RIPOR3: variants seen among roughly 807,000 people sequenced by gnomAD.
RIPOR3 encodes the protein family with sequence similarity 65 member C.
A neutral mutation model predicts 114.3 loss-of-function variants in RIPOR3; 95 were observed. The observed-to-expected ratio is 0.83, with a 90% CI of 0.70 to 0.99. RIPOR3 has a LOEUF of 0.99. RIPOR3 is among the 50% of genes least tolerant of loss of function. The pLI, the probability that RIPOR3 is intolerant of heterozygous loss-of-function variation, is 0.00. For missense variants in RIPOR3, 1,252 were observed against 1,266.9 expected (o/e 0.99, Z 0.18); for synonymous variants, 575 against 543.8 (o/e 1.06, Z -0.80).
At chr20:50,619,440 C>CAAAA in intron 3 of RIPOR3, among the ~76,000 whole-genome samples, 1 of 96,416 alleles carries the variant, frequency 1.0e-5, no homozygotes, top group Admixed American at 1.2e-4. Context: ...GACTCCATCT[C>CAAAA]AAAAAAAAAA....
intron 1 of RIPOR3, among the ~76,000 whole-genome samples, chr20:50,671,414 GTGCA>G (rs1455963538): frequency 1.2e-5 from 1 of 85,766 alleles, no homozygotes; most frequent in Non-Finnish European, 2.3e-5. Context: ...GCACGCGCGC[GTGCA>G]CGCGCGCGCG....
chr20:50,602,070 A>G lies in RIPOR3; in HGVS notation c.1659+2T>C, dbSNP rs1184946169. ...CCACCGCCCGGGGCGGGGTGGCCAT[A>G]CCTTCAGCCGGTCCCGGAAGCCGAG... is the stretch of plus-strand genomic sequence containing the variant. On this transcript the variant is annotated splice_donor_variant, in intron 13 of 21. Coordinates refer to ENST00000327979, the MANE Select transcript of RIPOR3 (RefSeq NM_001290268.2). LOFTEE classifies it high-confidence loss of function. The surrounding 1 kb of genome is among the most constrained non-coding windows in gnomAD (Gnocchi z 4.3). 1 of 1,538,958 alleles carries G rather than the reference A, an allele frequency of 6.5e-7. No individual in the cohort carries two copies. The highest frequency in any genetic ancestry group is 8.7e-7 in the Non-Finnish European group (1 of 1,144,504).
In RIPOR3 at chr20:50,608,671, G is replaced by C. The variant is rs750084880; in HGVS notation, c.752C>G (p.Thr251Ser). The C allele has an allele frequency of 1.2e-6, 2 of 1,614,022 alleles. No individual in the cohort carries two copies. The highest frequency in any genetic ancestry group is 2.2e-5 in the South Asian group (2 of 91,086). Residue 251 changes from threonine to serine, a missense_variant, in exon 10 of 22, where the codon ACC becomes AGC. Thr to Ser is a moderately conservative substitution (Grantham distance 58). Transcript: ENST00000327979. The stretch of plus-strand genomic sequence containing the variant: ...GAAGGCCTTCTCCTCTTCGTCCCAG[G>C]TCTGGCTGTCATCTGACTCGATCCG... The part of the protein sequence containing the change: ...KGRIESDDSQ[T>S]WDEEEKAFIP...
chr20:50,647,179 G>T (rs1399808342), intron 1 of RIPOR3, among the ~76,000 whole-genome samples: 2 of 152,152 alleles, frequency 1.3e-5, no homozygotes, highest in African/African-American at 4.8e-5. Flanking sequence ...AATTAGCCAG[G>T]CGTGGTGGCG....
chr20:50,616,294 A>C lies in RIPOR3; in HGVS notation c.270-214T>G, dbSNP rs886546994. Among the ~76,000 whole-genome samples the C allele has an allele frequency of 3.3e-5, 5 of 152,282 alleles. No individual in the cohort carries two copies. The East Asian group carries it at 9.6e-4, about 29-fold the overall frequency. On this transcript the variant is annotated intron_variant, in intron 3 of 21. Transcript: ENST00000327979. ...GAAGTTCCTAGTTAATTCCCCCACCAGGCCCACAAGTAGCTTCTACTGTTA... is the reference window on the plus strand; with the variant it reads ...GAAGTTCCTAGTTAATTCCCCCACCCGGCCCACAAGTAGCTTCTACTGTTA...
At chr20:50,641,588 G>A (rs1600661353) in intron 1 of RIPOR3, among the ~76,000 whole-genome samples, 3 of 152,132 alleles carry the variant, frequency 2.0e-5, no homozygotes, top group Admixed American at 6.5e-5. Flanking sequence ...AAGATGCTCG[G>A]TGCCCAGGGA....
chr20:50,598,906 G>GAA (rs368515447), intron 13 of RIPOR3, among the ~76,000 whole-genome samples: 1,709 of 119,528 alleles, frequency 0.014, 24 homozygotes, highest in Admixed American at 0.029. Flanking sequence ...CTCCATCTCA[G>GAA]AAAAAAAAAA....
chr20:50,589,289 T>C (rs1251128377), intron 20 of RIPOR3, among the ~76,000 whole-genome samples: 1 of 151,670 alleles, frequency 6.6e-6, no homozygotes, highest in Non-Finnish European at 1.5e-5. Flanking sequence ...CTTTCTTTTC[T>C]ATCTCTGTAT....
At chr20:50,603,319 ACC>A (rs2083573975) in intron 12 of RIPOR3, among the ~76,000 whole-genome samples, 2 of 151,960 alleles carry the variant, frequency 1.3e-5, no homozygotes, top group South Asian at 4.2e-4. Context: ...GCTCACTACA[ACC>A]TTCATCTCCT....
At chr20:50,670,484 T>C (rs1461736412) in intron 1 of RIPOR3, among the ~76,000 whole-genome samples, 2 of 151,262 alleles carry the variant, frequency 1.3e-5, no homozygotes, top group African/African-American at 4.9e-5. Flanking sequence ...TTAAATCTAG[T>C]TCTTTTTCCT....
At chr20:50,663,102 A>G (rs895425357) in intron 1 of RIPOR3, among the ~76,000 whole-genome samples, 1 of 151,810 alleles carries the variant, frequency 6.6e-6, no homozygotes, top group Non-Finnish European at 1.5e-5. Flanking sequence ...CTCAAAAAAA[A>G]AAAAAAAAAA....
chr20:50,614,275 A>T (rs2084082473), intron 4 of RIPOR3, among the ~76,000 whole-genome samples: 1 of 152,112 alleles, frequency 6.6e-6, no homozygotes, highest in Non-Finnish European at 1.5e-5. Context: ...ATCTCGAGTG[A>T]TCCACCCGCC....
chr20:50,616,878 G>C (rs543646403), intron 3 of RIPOR3, among the ~76,000 whole-genome samples: 109 of 152,268 alleles, frequency 7.2e-4, no homozygotes, highest in East Asian at 2.1e-3. Context: ...CGCCGTGGCT[G>C]ACGCCTGTAA....
chr20:50,604,635 G>A lies in RIPOR3; in HGVS notation c.1086+10C>T, dbSNP rs1465786633. 1.2e-6 allele frequency: 2 copies of A among 1,602,906 alleles called. No homozygotes were observed. Among genetic ancestry groups the A allele is most frequent in the Non-Finnish European group, 1.7e-6 (2 of 1,175,246 alleles). On this transcript the variant is annotated intron_variant, in intron 12 of 21. Coordinates refer to ENST00000327979, the MANE Select transcript of RIPOR3 (RefSeq NM_001290268.2). ...ACCACAGCGGCCCTGCCCCGGGAAGGCTCACTCACCAGGTAGTATCTCTCC... is the reference window on the plus strand; with the variant it reads ...ACCACAGCGGCCCTGCCCCGGGAAGACTCACTCACCAGGTAGTATCTCTCC...
At chr20:50,687,577 A>G (rs2087071645) in intron 1 of RIPOR3, among the ~76,000 whole-genome samples, 1 of 152,164 alleles carries the variant, frequency 6.6e-6, no homozygotes, top group Non-Finnish European at 1.5e-5. Context: ...TTGCATATCC[A>G]CACACACATA....
At chr20:50,629,787 A>G (rs982350218) in intron 2 of RIPOR3, among the ~76,000 whole-genome samples, 3 of 152,182 alleles carry the variant, frequency 2.0e-5, no homozygotes, top group African/African-American at 7.2e-5. Flanking sequence ...AGGTGAGGTC[A>G]CTTGCCCCAG....
intron 17 of RIPOR3, among the ~76,000 whole-genome samples, chr20:50,593,632 C>A (rs535166118): frequency 1.3e-5 from 2 of 152,170 alleles, no homozygotes; most frequent in Admixed American, 1.3e-4. Context: ...ATTCCCTGTG[C>A]TGTAGGGGAG....
intron 2 of RIPOR3, 38 bp from the exon 3 acceptor site, chr20:50,620,170 G>C (rs771755558): frequency 1.9e-6 from 3 of 1,604,956 alleles, no homozygotes; most frequent in Non-Finnish European, 2.6e-6. Context: ...AGTCAGAGAA[G>C]GGCCCTGACA....
chr20:50,623,392 C>T (rs374450183), intron 2 of RIPOR3, among the ~76,000 whole-genome samples: 3 of 152,132 alleles, frequency 2.0e-5, no homozygotes, highest in Non-Finnish European at 2.9e-5. Context: ...GCAGGCAGAG[C>T]GGGATAGCGA....
Sources: allele counts gnomAD v4.1 joint callset (sites outside exome capture counted in the v4.1 genomes callset), GRCh38; gene constraint gnomAD v4.1.1; non-coding constraint Gnocchi (gnomAD v3.1); transcripts MANE v1.5; gene names NCBI Gene and HGNC (gene_info 2026-07-23, HGNC 2026-07-21).